Variants in LINGO1 observed in about 807,000 individuals in gnomAD.
The protein encoded by LINGO1 is leucine-rich repeat and immunoglobulin-like domain-containing nogo receptor-interacting protein 1.
LINGO1 carries 11 observed loss-of-function variants against 37.3 expected under a neutral mutation model. The observed-to-expected ratio is 0.29, with a 90% CI of 0.19 to 0.49. LINGO1 has a LOEUF of 0.49. Ranked by LOEUF, LINGO1 falls within the 20% of genes least tolerant of loss-of-function variation. The pLI is 0.99. For synonymous variants in LINGO1, 387 were observed against 403.0 expected, an observed-to-expected ratio of 0.96 and a Z score of 0.48; for missense variants, 585 against 878.2, an observed-to-expected ratio of 0.67 and a Z score of 4.22.
At chr15:77,628,516 A>G (rs932047749) in intron 1 of LINGO1, among the ~76,000 whole-genome samples, 2 of 152,224 alleles carry the variant, frequency 1.3e-5, no homozygotes, top group East Asian at 3.8e-4. Context: ...AACTACTTAT[A>G]TATGTTAAAA....
intron 2 of LINGO1, among the ~76,000 whole-genome samples, chr15:77,680,465 A>G (rs2075395908): frequency 6.6e-6 from 1 of 152,204 alleles, no homozygotes; most frequent in African/African-American, 2.4e-5. Flanking sequence ...ACTAAGTCCC[A>G]TTTGGGAGCC....
At position 77,783,338 on chromosome 15, in the gene LINGO1, G is replaced by A. The variant is rs537634002; in HGVS notation, c.-257+3531C>T. ...ATAGGTGTTTCATCAAGTGATGAGCGGGTGAATGAAGGTGTGAATGAAAGG... is the reference window on the plus strand; with the variant it reads ...ATAGGTGTTTCATCAAGTGATGAGCAGGTGAATGAAGGTGTGAATGAAAGG... On this transcript the variant is annotated intron_variant, in intron 1 of 3. Transcript: ENST00000561686. Among the ~76,000 whole-genome samples, 19 of 152,260 alleles carry A rather than the reference G, an allele frequency of 1.2e-4. No individual in the cohort carries two copies. The South Asian group carries it at 3.1e-3, about 25-fold the overall frequency.
At chr15:77,780,841 C>A (rs1274660175) in intron 1 of LINGO1, among the ~76,000 whole-genome samples, 1 of 152,108 alleles carries the variant, frequency 6.6e-6, no homozygotes, top group Non-Finnish European at 1.5e-5. Context: ...GAGAGCCCTC[C>A]CTCTGACCCC....
chr15:77,769,078 G>A (rs1244872090), intron 1 of LINGO1, among the ~76,000 whole-genome samples: 4 of 152,158 alleles, frequency 2.6e-5, no homozygotes, highest in African/African-American at 9.7e-5. Context: ...ACCCTTACCT[G>A]AGTCTCTGGC....
At chr15:77,664,170 T>TGTGTGTGCGC in intron 3 of LINGO1, among the ~76,000 whole-genome samples, 81 of 130,998 alleles carry the variant, frequency 6.2e-4, no homozygotes, top group East Asian at 2.8e-3. Flanking sequence ...TGTGTGTGTG[T>TGTGTGTGCGC]GCGCGCGCGC....
intron 3 of LINGO1, among the ~76,000 whole-genome samples, chr15:77,672,000 G>GCCGCCTCCT (rs1344106118): frequency 1.4e-5 from 2 of 145,572 alleles, no homozygotes; most frequent in African/African-American, 2.7e-5. Context: ...ATGAGCCTCT[G>GCCGCCTCCT]CCTCCTCCTC....
At chr15:77,782,382 C>G (rs969192990) in intron 1 of LINGO1, among the ~76,000 whole-genome samples, 1 of 152,210 alleles carries the variant, frequency 6.6e-6, no homozygotes, top group Admixed American at 6.5e-5. Context: ...AAGAAGGCCA[C>G]GTGCAGTCTA....
At chr15:77,754,099 AAG>A (rs2076397081) in intron 1 of LINGO1, among the ~76,000 whole-genome samples, 1 of 151,800 alleles carries the variant, frequency 6.6e-6, no homozygotes, top group Non-Finnish European at 1.5e-5. Context: ...GGGGGAAAGG[AAG>A]AGCAGAAAGG....
intron 1 of LINGO1, among the ~76,000 whole-genome samples, chr15:77,765,280 C>T (rs140965559): frequency 3.3e-5 from 5 of 152,106 alleles, no homozygotes; most frequent in African/African-American, 7.2e-5. Context: ...CCAGCTGCGG[C>T]GGTGCACACT....
upstream of LINGO1, among the ~76,000 whole-genome samples, chr15:77,635,815 G>A (rs965645662): frequency 1.7e-4 from 25 of 149,132 alleles, no homozygotes; most frequent in African/African-American, 6.0e-4. Context: ...CTGAGACTGC[G>A]TGTCTCATAG....
chr15:77,745,397 G>A (rs556865429), intron 1 of LINGO1, among the ~76,000 whole-genome samples: 3 of 150,712 alleles, frequency 2.0e-5, no homozygotes, highest in African/African-American at 7.3e-5. Flanking sequence ...CTGCACTCCA[G>A]CTGGGCGACA....
chr15:77,766,563 T>C (rs866713745), intron 1 of LINGO1, among the ~76,000 whole-genome samples: 1 of 152,156 alleles, frequency 6.6e-6, no homozygotes. Flanking sequence ...GTAGAGGTAA[T>C]TGGATCATGA....
At chr15:77,646,833 G>GTCTAATA (rs3059666) in intron 3 of LINGO1, among the ~76,000 whole-genome samples, 14,235 of 152,146 alleles carry the variant, frequency 0.094, 2,120 homozygotes, top group African/African-American at 0.32. Flanking sequence ...CATTAATAAT[G>GTCTAATA]TCTAATATCT....
intron 1 of LINGO1, among the ~76,000 whole-genome samples, chr15:77,737,303 C>A (rs1046161777): frequency 1.1e-4 from 17 of 152,174 alleles, no homozygotes; most frequent in African/African-American, 1.9e-4. Context: ...GGGTTGTCAC[C>A]TCCATTCTGC....
rs555953261 is a variant in LINGO1 at position 77,667,324 on chromosome 15, T to A, written c.-13+9765A>T. On this transcript the variant is annotated intron_variant, in intron 3 of 3. Coordinates refer to the LINGO1 transcript ENST00000559893. ...ATCTGGATGGCCCTCAATGGAGCCC[T>A]TCTAGGCTGTGGGTGCTCGGGCTGA... Among the ~76,000 whole-genome samples, 5 of 152,304 alleles carry A rather than the reference T, an allele frequency of 3.3e-5. No homozygotes were observed. The East Asian group carries it at 9.6e-4, about 29-fold the overall frequency.
At chr15:77,801,981 A>G (rs76621088) in intron 1 of LINGO1, among the ~76,000 whole-genome samples, 1,726 of 152,296 alleles carry the variant, frequency 0.011, 35 homozygotes, top group African/African-American at 0.04. Context: ...GGGCTGAGGG[A>G]TAAAGGGAAC....
At chr15:77,789,011 T>C (rs1009371126), upstream of LINGO1, among the ~76,000 whole-genome samples, 10 of 152,204 alleles carry the variant, frequency 6.6e-5, no homozygotes, top group African/African-American at 1.9e-4. Context: ...CTCCTCTCCA[T>C]GTCCCTGACA....
chr15:77,724,058 T>C (rs982735000), intron 2 of LINGO1, among the ~76,000 whole-genome samples: 1 of 152,108 alleles, frequency 6.6e-6, no homozygotes, highest in Non-Finnish European at 1.5e-5. Context: ...CTATATATAG[T>C]GGGCACAAAC....
intron 1 of LINGO1, among the ~76,000 whole-genome samples, chr15:77,754,452 A>T (rs1342130796): frequency 1.3e-5 from 2 of 152,256 alleles, no homozygotes; most frequent in African/African-American, 4.8e-5. Context: ...AATTATGGAT[A>T]ATAACAATCA....
Sources: gnomAD v4.1 joint callset for allele counts (sites outside exome capture counted in the v4.1 genomes callset) on GRCh38, gnomAD v4.1.1 for gene constraint, MANE v1.5 for transcripts, NCBI Gene and HGNC (gene_info 2026-07-23, HGNC 2026-07-21) for gene names.